The following PITPNM3 variants were observed in gnomAD, a reference collection of about 807,000 sequenced individuals.
PITPNM3 encodes PITPNM family member 3.
In PITPNM3, 26 loss-of-function variants were observed where a neutral mutation model predicts 102.0. That is an observed-to-expected ratio of 0.25 (90% CI 0.19 to 0.35). PITPNM3 has a LOEUF of 0.35. PITPNM3 is among the 10% of genes least tolerant of loss of function. PITPNM3 has a pLI of 1.00. For synonymous variants in PITPNM3, 578 were observed against 558.6 expected (o/e 1.03, Z -0.49); for missense variants, 1,083 against 1,346.1 (o/e 0.80, Z 3.06).
rs774617864 is a variant in PITPNM3, at chr17:6,468,210, T to G, written c.1890+15A>C. The G allele has an allele frequency of 9.9e-6, 16 of 1,610,742 alleles. 1 individual carries two copies. The South Asian group carries it at 1.8e-4, about 18-fold the overall frequency. ...GACACAGTCCCAGCCACATGCGAAC[T>G]GAGCATGCACGCACCCTCAGCTTGA... On this transcript the variant is annotated intron_variant, in intron 14 of 19. Transcript: ENST00000262483. The surrounding 1 kb of genome is among the most constrained non-coding windows in gnomAD (Gnocchi z 5.2).
chr17:6,468,323 C>T lies in PITPNM3; in HGVS notation c.1792G>A (p.Val598Met), dbSNP rs530903374. 29 of 1,614,096 alleles carry T rather than the reference C, an allele frequency of 1.8e-5. No individual in the cohort carries two copies. The Admixed American group carries it at 2.3e-4, about 13-fold the overall frequency. ...ILRQVMRYES[V>M]NIKESARLDP... is the part of the protein sequence containing the mutation. ...AGGCGGGCGCTTTCCTTGATGTTCA[C>T]GCTCTCATAGCGCATTACCTAGCCA... Residue 598 changes from valine (V) to methionine (M), a missense_variant, in exon 14 of 20, where the codon GTG becomes ATG. By Grantham distance (21) the Val-to-Met change is conservative (BLOSUM62 1). Transcript: ENST00000262483. This position sits in a 1 kb window ranked among gnomAD's most constrained non-coding sequence, Gnocchi z 5.2.
intron 2 of PITPNM3, among the ~76,000 whole-genome samples, chr17:6,526,533 G>T (rs917633583): frequency 5.9e-5 from 9 of 152,168 alleles, no homozygotes; most frequent in African/African-American, 2.2e-4. Flanking sequence ...AATCAATATG[G>T]TGCATCTGAA....
intron 9 of PITPNM3, 139 bp from the exon 10 acceptor site, chr17:6,474,743 C>T (rs963467079): frequency 6.7e-6 from 7 of 1,040,596 alleles, no homozygotes; most frequent in African/African-American, 3.2e-5. Context: ...GAGAGTCCAC[C>T]GGCTGCACAC....
At chr17:6,471,840 G>A (rs1163934964) in intron 11 of PITPNM3, among the ~76,000 whole-genome samples, 1 of 152,180 alleles carries the variant, frequency 6.6e-6, no homozygotes, top group East Asian at 1.9e-4. Context: ...CCTGACCAAA[G>A]AGGGATCCAT....
At chr17:6,477,941 A>T in intron 8 of PITPNM3, 34 bp downstream of exon 8, 1 of 1,608,328 alleles carries the variant, frequency 6.2e-7, no homozygotes, top group Middle Eastern at 1.9e-4. Context: ...TCCTATGGGC[A>T]TACCCCTCCC....
intron 3 of PITPNM3, 50 bp downstream of exon 3, chr17:6,525,306 T>A (rs199618742): frequency 5.8e-5 from 89 of 1,542,520 alleles, no homozygotes; most frequent in Non-Finnish European, 7.7e-5. Context: ...CAGCCCCCCC[T>A]GCAACACACC....
At chr17:6,533,689 T>G (rs560542808) in intron 2 of PITPNM3, among the ~76,000 whole-genome samples, 1 of 151,906 alleles carries the variant, frequency 6.6e-6, no homozygotes, top group Non-Finnish European at 1.5e-5. Flanking sequence ...ACTCCTGAAC[T>G]CGTGATCCGC....
rs1326590656 is a variant in PITPNM3 at position 6,472,960 on chromosome 17, C to T, written c.1259-133G>A. 5 of 1,112,636 alleles carry T rather than the reference C, an allele frequency of 4.5e-6. No homozygotes were observed. The highest frequency in any genetic ancestry group is 6.6e-6 in the Non-Finnish European group (5 of 760,752). 68.9% of individuals were successfully genotyped at this position (1,112,636 alleles called of 1,614,324 possible). On this transcript the variant is annotated intron_variant, in intron 10 of 19. Coordinates refer to ENST00000262483, the MANE Select transcript of PITPNM3 (RefSeq NM_031220.4). The surrounding 1 kb of genome is among the most constrained non-coding windows in gnomAD (Gnocchi z 4.1). ...GCCTCCCCGGGCTCCCTGCTCCCCA[C>T]GGGAACAAAGCCATTACGTTCAGTT...
intron 4 of PITPNM3, among the ~76,000 whole-genome samples, chr17:6,485,161 CTT>C (rs1335515715): frequency 6.6e-4 from 92 of 139,392 alleles, no homozygotes; most frequent in Admixed American, 1.0e-3. Context: ...ATTTTCTTTT[CTT>C]TTTTTTTTTT....
At chr17:6,497,245 G>C (rs750799598) in intron 4 of PITPNM3, among the ~76,000 whole-genome samples, 2 of 152,168 alleles carry the variant, frequency 1.3e-5, no homozygotes, top group Non-Finnish European at 2.9e-5. Flanking sequence ...GGGGAGGCCA[G>C]GGGCTGAGGG....
At chr17:6,512,522 T>A (rs1210702323) in intron 3 of PITPNM3, among the ~76,000 whole-genome samples, 5 of 152,156 alleles carry the variant, frequency 3.3e-5, no homozygotes. Context: ...AAATGTGGAT[T>A]CTGAGCCCCG....
intron 4 of PITPNM3, among the ~76,000 whole-genome samples, chr17:6,491,967 A>G (rs1222048865): frequency 6.7e-6 from 1 of 149,766 alleles, no homozygotes; most frequent in African/African-American, 2.5e-5. Flanking sequence ...CTATTTTCCA[A>G]TTTTTCTCTA....
At chr17:6,484,377 T>A in intron 4 of PITPNM3, 85 bp from the exon 5 acceptor site, 1 of 1,379,178 alleles carries the variant, frequency 7.3e-7, no homozygotes, top group Non-Finnish European at 1.0e-6. Flanking sequence ...GCCCTAAAGG[T>A]GAGACCTTGG....
chr17:6,482,878 C>T (rs1168547901), intron 6 of PITPNM3, among the ~76,000 whole-genome samples: 1 of 151,742 alleles, frequency 6.6e-6, no homozygotes, highest in African/African-American at 2.4e-5. Context: ...ATCGTGTGGC[C>T]GAGTTTGACT....
chr17:6,548,719 C>T (rs933631316), intron 1 of PITPNM3, among the ~76,000 whole-genome samples: 1 of 152,250 alleles, frequency 6.6e-6, no homozygotes, highest in East Asian at 1.9e-4. Flanking sequence ...ATCCTGCACA[C>T]CTAGGTCTCT....
rs1913824571 is a variant in PITPNM3 at position 6,451,384 on chromosome 17, G to T, written c.*3954C>A. On this transcript the variant is annotated 3_prime_UTR_variant, in exon 20 of 20. Transcript: ENST00000262483. ...CCATAATGCTGTTTTTGTCTTGTTAGAAATCTGATATCTTACATTAGCGTT... is the reference window on the plus strand; with the variant it reads ...CCATAATGCTGTTTTTGTCTTGTTATAAATCTGATATCTTACATTAGCGTT... 1 of 152,234 alleles carries T rather than the reference G, an allele frequency of 6.6e-6. No individual in the cohort carries two copies. Among genetic ancestry groups the T allele is most frequent in the South Asian group, 2.1e-4 (1 of 4,836 alleles). 9.4% of individuals were successfully genotyped at this position (152,234 alleles called of 1,614,324 possible). A position where few individuals can be genotyped will look rare whatever the true frequency, so the allele number is the denominator to read the frequency against.
intron 9 of PITPNM3, 112 bp from the exon 10 acceptor site, chr17:6,474,716 A>G: frequency 7.6e-7 from 1 of 1,312,666 alleles, no homozygotes; most frequent in South Asian, 1.4e-5. Context: ...CCAACCCTCC[A>G]TCTCTGGGGC....
intron 1 of PITPNM3, among the ~76,000 whole-genome samples, chr17:6,539,570 G>A (rs1909628900): frequency 6.6e-6 from 1 of 151,952 alleles, no homozygotes; most frequent in African/African-American, 2.4e-5. Flanking sequence ...GAAATGAACT[G>A]AAATTTGAAA....
intron 4 of PITPNM3, among the ~76,000 whole-genome samples, chr17:6,500,768 T>C (rs1366846608): frequency 3.3e-5 from 5 of 152,014 alleles, no homozygotes; most frequent in African/African-American, 1.2e-4. Flanking sequence ...CTCTGCCTCC[T>C]GGGTTCAAGC....
Sources: gnomAD v4.1 joint callset for allele counts (sites outside exome capture counted in the v4.1 genomes callset) on GRCh38, gnomAD v4.1.1 for gene constraint, Gnocchi (gnomAD v3.1) non-coding constraint, MANE v1.5 for transcripts, NCBI Gene and HGNC (gene_info 2026-07-23, HGNC 2026-07-21) for gene names.